The following PTER variants were observed in gnomAD, a reference collection of about 807,000 sequenced individuals.
PTER encodes phosphotriesterase related.
PTER carries 38 observed loss-of-function variants against 29.6 expected under a neutral mutation model. The ratio of observed to expected loss-of-function variants is 1.28; its 90% CI spans 0.99 to 1.68. The LOEUF (loss-of-function observed/expected upper bound fraction) is 1.68, where lower values mean the gene tolerates loss of function less well. Among genes scored for constraint, PTER ranks in the 40% most tolerant of loss-of-function variants. The pLI, the probability that PTER is intolerant of heterozygous loss-of-function variation, is 0.00. For synonymous variants in PTER, 172 were observed against 154.5 expected, an observed-to-expected ratio of 1.11 and a Z score of -0.84; for missense variants, 482 against 427.8, an observed-to-expected ratio of 1.13 and a Z score of -1.12.
In PTER at chr10:16,511,353, C is replaced by G. The variant is rs2133527700; in HGVS notation, c.*97C>G. 1 of 1,107,058 alleles carries G rather than the reference C, an allele frequency of 9.0e-7. No homozygotes were observed. Among genetic ancestry groups the G allele is most frequent in the Non-Finnish European group, 1.3e-6 (1 of 741,712 alleles). 68.6% of individuals were successfully genotyped at this position (1,107,058 alleles called of 1,614,324 possible). On this transcript the variant is annotated 3_prime_UTR_variant, in exon 5 of 5. Coordinates refer to ENST00000535784, the MANE Select transcript of PTER (RefSeq NM_001261836.2). The stretch of plus-strand genomic sequence containing the variant: ...TGAGATATTAATCAGTTACCTAGGA[C>G]TAATGACAGATCATTTCCTTCTGAT...
At position 16,443,151 on chromosome 10, in the gene PTER, T is replaced by G. The variant is rs79886323; in HGVS notation, c.-49+6104T>G. On this transcript the variant is annotated intron_variant, in intron 1 of 4. Coordinates refer to ENST00000535784, the MANE Select transcript of PTER (RefSeq NM_001261836.2). ...ACAGACATTTATTTTCTCACAGCTC[T>G]GGCAGCTGGAAGTCCCAGATCAAGG... Among the ~76,000 whole-genome samples, 255 of 152,306 alleles carry G rather than the reference T, an allele frequency of 1.7e-3. 1 individual carries two copies. The highest frequency in any genetic ancestry group is 5.8e-3 in the African/African-American group (242 of 41,566).
At chr10:16,456,975 TGC>T (rs1003699127) in intron 1 of PTER, among the ~76,000 whole-genome samples, 4 of 152,080 alleles carry the variant, frequency 2.6e-5, no homozygotes, top group African/African-American at 9.7e-5. Context: ...TCTTGCCTGC[TGC>T]CATGATTGTG....
At chr10:16,467,255 A>G (rs1423714272) in intron 1 of PTER, among the ~76,000 whole-genome samples, 1 of 152,196 alleles carries the variant, frequency 6.6e-6, no homozygotes, top group East Asian at 1.9e-4. Context: ...CTATTTTATT[A>G]TTAGTTATTG....
At chr10:16,498,267 G>C (rs2133483317) in intron 3 of PTER, among the ~76,000 whole-genome samples, 1 of 152,316 alleles carries the variant, frequency 6.6e-6, no homozygotes, top group South Asian at 2.1e-4. Flanking sequence ...ATTGGAGTAA[G>C]AAAGAATAGA....
At chr10:16,488,940 G>C (rs1235654080) in intron 3 of PTER, among the ~76,000 whole-genome samples, 1 of 152,038 alleles carries the variant, frequency 6.6e-6, no homozygotes, top group Non-Finnish European at 1.5e-5. Flanking sequence ...GCATTCCTTG[G>C]GATTCCTGAA....
At chr10:16,489,668 C>T (rs1835827901) in intron 3 of PTER, among the ~76,000 whole-genome samples, 1 of 151,742 alleles carries the variant, frequency 6.6e-6, no homozygotes, top group Admixed American at 6.6e-5. Context: ...TAAAATTTAT[C>T]ATCTTTTAAA....
intron 1 of PTER, among the ~76,000 whole-genome samples, chr10:16,472,255 A>AT (rs1220185388): frequency 6.6e-6 from 1 of 152,196 alleles, no homozygotes; most frequent in African/African-American, 2.4e-5. Context: ...TATAGATATT[A>AT]TTTTTATGAT....
chr10:16,512,708 C>G lies in PTER; in HGVS notation c.*1452C>G, dbSNP rs1836859390. The G allele has an allele frequency of 6.6e-6, 1 of 151,074 alleles. No homozygotes were observed. The highest frequency in any genetic ancestry group is 1.5e-5 in the Non-Finnish European group (1 of 67,658). The allele number at this position is 151,074 out of a possible 1,614,324, so 9.4% of individuals were successfully genotyped here. ...AATGAGCCAGGAGAACAAACTAATT[C>G]CTTTAAATAAATAAAAAAAAAAAAT... On this transcript the variant is annotated 3_prime_UTR_variant, in exon 5 of 5. Transcript: ENST00000535784.
At chr10:16,469,549 C>T (rs370035076) in intron 1 of PTER, among the ~76,000 whole-genome samples, 11 of 152,162 alleles carry the variant, frequency 7.2e-5, no homozygotes, top group Admixed American at 6.5e-4. Context: ...GTGGAATTTA[C>T]GGGATTTAGA....
At position 16,511,493 on chromosome 10, in the gene PTER, A is replaced by G; in HGVS notation, c.*237A>G. 2 of 511,250 alleles carry G rather than the reference A, an allele frequency of 3.9e-6. No homozygotes were observed. Among genetic ancestry groups the G allele is most frequent in the Non-Finnish European group, 7.0e-6 (2 of 285,504 alleles). 31.7% of individuals were successfully genotyped at this position (511,250 alleles called of 1,614,324 possible). On this transcript the variant is annotated 3_prime_UTR_variant, in exon 5 of 5. Transcript: ENST00000535784. The stretch of plus-strand genomic sequence containing the variant: ...AACTTAACAAAATAAATACAGAAGT[A>G]CCTATTTCTAAACAATGATTTAAAG...
intron 1 of PTER, among the ~76,000 whole-genome samples, chr10:16,457,676 T>G (rs1834461264): frequency 6.6e-6 from 1 of 152,186 alleles, no homozygotes; most frequent in Non-Finnish European, 1.5e-5. Flanking sequence ...CTTGGCTCAC[T>G]GCAACCGCTG....
rs1279618991 is a variant in PTER at position 16,513,228 on chromosome 10, A to C, written c.*1972A>C. On this transcript the variant is annotated 3_prime_UTR_variant, in exon 5 of 5. Transcript: ENST00000535784. ...ATTTTCTGGATAACTCTTAAAGAGA[A>C]GTCATTTTAACTGTTTTTGCTACTC... 1 of 152,464 alleles carries C rather than the reference A, an allele frequency of 6.6e-6. No homozygotes were observed. The highest frequency in any genetic ancestry group is 2.4e-5 in the African/African-American group (1 of 41,446). The allele number at this position is 152,464 out of a possible 1,614,324, so 9.4% of individuals were successfully genotyped here.
intron 1 of PTER, among the ~76,000 whole-genome samples, chr10:16,476,666 G>C (rs1835277846): frequency 6.6e-6 from 1 of 151,022 alleles, no homozygotes; most frequent in South Asian, 2.1e-4. Context: ...CAACCTCGCA[G>C]GTTCAAGTGA....
At chr10:16,480,372 T>A (rs968856292) in intron 1 of PTER, among the ~76,000 whole-genome samples, 3 of 151,832 alleles carry the variant, frequency 2.0e-5, no homozygotes, top group Non-Finnish European at 4.4e-5. Context: ...ATTTTTGTAT[T>A]TTTTATAGAG....
At chr10:16,456,291 G>T (rs1339132908) in intron 1 of PTER, among the ~76,000 whole-genome samples, 1 of 152,202 alleles carries the variant, frequency 6.6e-6, no homozygotes, top group Non-Finnish European at 1.5e-5. Flanking sequence ...CTGTGATCCT[G>T]TTCTCACTTA....
chr10:16,505,205 T>C, intron 4 of PTER, 45 bp downstream of exon 4: 1 of 1,593,780 alleles, frequency 6.3e-7, no homozygotes, highest in Non-Finnish European at 8.6e-7. Context: ...TCCCTAGCCC[T>C]TTTTGATTGT....
At chr10:16,514,453 G>A, downstream of PTER, 1 of 1,318,392 alleles carries the variant, frequency 7.6e-7, no homozygotes, top group Non-Finnish European at 1.1e-6. Flanking sequence ...CATCCCCTGG[G>A]ATCCTTGATT....
intron 4 of PTER, among the ~76,000 whole-genome samples, chr10:16,507,611 A>G (rs778899268): frequency 5.3e-5 from 8 of 152,170 alleles, no homozygotes; most frequent in Non-Finnish European, 1.2e-4. Context: ...GCTGTCTCCA[A>G]GTACTGGCAT....
chr10:16,478,397 G>A lies in PTER; in HGVS notation c.-48-5940G>A, dbSNP rs533354110. 1.0e-4 allele frequency among the ~76,000 whole-genome samples: 15 copies of A among 148,080 alleles called. No homozygotes were observed. In the South Asian group the frequency reaches 1.8e-3, roughly 18 times the overall value. On this transcript the variant is annotated intron_variant, in intron 1 of 4. Transcript: ENST00000535784. ...TGCCCAGGCTGGAGTGCAATGGCAC[G>A]ATTTTGGCTCACTGCAACCTCCGCC... is the stretch of plus-strand genomic sequence containing the variant.
Sources: gnomAD v4.1 joint callset for allele counts (sites outside exome capture counted in the v4.1 genomes callset) on GRCh38, gnomAD v4.1.1 for gene constraint, MANE v1.5 for transcripts, NCBI Gene and HGNC (gene_info 2026-07-23, HGNC 2026-07-21) for gene names.